Variants in IL6R observed in about 807,000 individuals in gnomAD.
The protein encoded by IL6R is interleukin-6 receptor subunit alpha.
In IL6R, 38 loss-of-function variants were observed where a neutral mutation model predicts 48.3. That is an observed-to-expected ratio of 0.79 (90% CI 0.61 to 1.03). IL6R has a LOEUF of 1.03. IL6R is among the 50% of genes least tolerant of loss of function. IL6R has a pLI of 0.00. For missense variants in IL6R, 534 were observed against 618.3 expected (o/e 0.86, Z 1.45); for synonymous variants, 264 against 256.2 (o/e 1.03, Z -0.29).
At chr1:154,416,313 T>TC (rs1688346891) in intron 1 of IL6R, among the ~76,000 whole-genome samples, 1 of 151,542 alleles carries the variant, frequency 6.6e-6, no homozygotes, top group African/African-American at 2.4e-5. Flanking sequence ...AAAAAATTTT[T>TC]TTTTTTTTTT....
At position 154,430,594 on chromosome 1, in the gene IL6R, TG is replaced by T. The variant is rs772002938; in HGVS notation, c.448del (p.Val150Ter). On this transcript the variant is annotated frameshift_variant, in exon 3 of 10. Coordinates refer to ENST00000368485, the MANE Select transcript of IL6R (RefSeq NM_000565.4). LOFTEE classifies it high-confidence loss of function. ...TCCCTGACGACAAAGGCTGTGCTCT[TG>T]GTGAGGAAGTTGTAAGTATCTTGGG... ...TPSLTTKAVLLVRKFQNSPAE... is the reference protein window; with the variant it reads ...TPSLTTKAVLXVRKFQNSPAE... The T allele has an allele frequency of 6.2e-7, 1 of 1,614,064 alleles. No homozygotes were observed. The highest frequency in any genetic ancestry group is 1.3e-5 in the African/African-American group (1 of 74,924).
At chr1:154,446,272 C>T (rs1416360569) in intron 6 of IL6R, among the ~76,000 whole-genome samples, 1 of 152,170 alleles carries the variant, frequency 6.6e-6, no homozygotes, top group African/African-American at 2.4e-5. Flanking sequence ...CTTTCCCTCT[C>T]CGGGCCTCTG....
chr1:154,410,455 G>T (rs550975994), intron 1 of IL6R, among the ~76,000 whole-genome samples: 45 of 152,190 alleles, frequency 3.0e-4, no homozygotes, highest in Non-Finnish European at 5.7e-4. Flanking sequence ...ATTTCGCCAT[G>T]TTGCAGGCTG....
Position 154,429,359 on chromosome 1 carries a change from G to A in IL6R, c.249G>A (p.Leu83=). Residue 83 remains leucine, a synonymous_variant, in exon 2 of 10, where the codon CTG becomes CTA. Coordinates refer to ENST00000368485, the MANE Select transcript of IL6R (RefSeq NM_000565.4). ...CTGGCATGGGAAGGAGGCTGCTGCT[G>A]AGGTCGGTGCAGCTCCACGACTCTG... ...RWAGMGRRLL[L]RSVQLHDSGN... is the part of the protein sequence containing the mutation. The A allele has an allele frequency of 1.2e-6, 2 of 1,614,138 alleles. No individual in the cohort carries two copies. The highest frequency in any genetic ancestry group is 1.7e-6 in the Non-Finnish European group (2 of 1,180,024).
chr1:154,446,610 G>A (rs1413474324), intron 6 of IL6R, among the ~76,000 whole-genome samples: 1 of 152,208 alleles, frequency 6.6e-6, no homozygotes, highest in African/African-American at 2.4e-5. Context: ...TGGATACTTA[G>A]CCTCCTCTTG....
At chr1:154,411,456 T>A (rs908632392) in intron 1 of IL6R, among the ~76,000 whole-genome samples, 10 of 151,766 alleles carry the variant, frequency 6.6e-5, no homozygotes, top group Non-Finnish European at 1.3e-4. Flanking sequence ...AATGTGGGAG[T>A]CGTGTGCTGG....
Position 154,430,555 on chromosome 1 carries a change from C to G in IL6R, c.407C>G (p.Pro136Arg), listed in dbSNP as rs763443996. 3.1e-6 allele frequency: 5 copies of G among 1,614,018 alleles called. No individual in the cohort carries two copies. Among genetic ancestry groups the G allele is most frequent in the Non-Finnish European group, 4.2e-6 (5 of 1,180,022 alleles). ...PLSNVVCEWG[P>R]RSTPSLTTKA... is the part of the protein sequence containing the mutation. ...AGCAATGTTGTTTGTGAGTGGGGTC[C>G]TCGGAGCACCCCATCCCTGACGACA... The change falls in exon 3 of 10, where the codon CCT (proline) becomes CGT (arginine). Residue 136 changes from proline (P) to arginine (R), a missense_variant. Pro to Arg is a moderately radical substitution (Grantham distance 103, BLOSUM62 -2). Transcript: ENST00000368485.
rs1403396636 is a variant in IL6R, at chr1:154,468,738, G to A, written c.*3358G>A. 3 of 152,302 alleles carry A rather than the reference G, an allele frequency of 2.0e-5. No individual in the cohort carries two copies. Among genetic ancestry groups the A allele is most frequent in the Non-Finnish European group, 2.9e-5 (2 of 68,098 alleles). The allele number at this position is 152,302 out of a possible 1,614,324, so 9.4% of individuals were successfully genotyped here. A position where few individuals can be genotyped will look rare whatever the true frequency, so the allele number is the denominator to read the frequency against. ...GGGCCCAGTGGGGCAGGCTGGGCATGTTGTGGTCTATGGGTTTGTTTCCTG... is the reference window on the plus strand; with the variant it reads ...GGGCCCAGTGGGGCAGGCTGGGCATATTGTGGTCTATGGGTTTGTTTCCTG... On this transcript the variant is annotated 3_prime_UTR_variant, in exon 10 of 10. Coordinates refer to ENST00000368485, the MANE Select transcript of IL6R (RefSeq NM_000565.4).
intron 1 of IL6R, 126 bp from the exon 2 acceptor site, chr1:154,429,070 C>A: frequency 9.4e-7 from 1 of 1,068,730 alleles, no homozygotes; most frequent in Non-Finnish European, 1.4e-6. Flanking sequence ...CTAATCCAGG[C>A]AGAGGTGACG....
At chr1:154,464,458 T>G (rs767543058) in intron 9 of IL6R, among the ~76,000 whole-genome samples, 5 of 152,116 alleles carry the variant, frequency 3.3e-5, no homozygotes, top group African/African-American at 4.8e-5. Context: ...CCCAGCCTAT[T>G]TTTCTTTTTT....
Position 154,434,754 on chromosome 1 carries a change from C to A in IL6R, c.640+54C>A, listed in dbSNP as rs1558314175. On this transcript the variant is annotated intron_variant, in intron 4 of 9. Coordinates refer to ENST00000368485, the MANE Select transcript of IL6R (RefSeq NM_000565.4). ...AGTTTCCTTCTCTTTTGATTTAATACTCCTTATCGACTTCTCAGAGTGGCA... is the reference window on the plus strand; with the variant it reads ...AGTTTCCTTCTCTTTTGATTTAATAATCCTTATCGACTTCTCAGAGTGGCA... 142 of 1,529,292 alleles carry A rather than the reference C, an allele frequency of 9.3e-5. 3 individuals carry two copies. The South Asian group carries it at 1.7e-3, about 18-fold the overall frequency. The allele number at this position is 1,529,292 out of a possible 1,614,324, so 94.7% of individuals were successfully genotyped here.
At chr1:154,442,461 A>C (rs1689990125) in intron 6 of IL6R, among the ~76,000 whole-genome samples, 4 of 152,160 alleles carry the variant, frequency 2.6e-5, no homozygotes, top group Admixed American at 2.6e-4. Flanking sequence ...GGGTGGTCTG[A>C]GTGGGACAGG....
chr1:154,445,113 G>A (rs879568303), intron 6 of IL6R: 9 of 456,138 alleles, frequency 2.0e-5, no homozygotes, highest in African/African-American at 6.0e-5. Context: ...TTTCTCCTCA[G>A]GAGGCTCCTC....
At position 154,434,519 on chromosome 1, in the gene IL6R, T is replaced by C. The variant is rs1689494564; in HGVS notation, c.459T>C (p.Phe153=). Residue 153 remains phenylalanine (F), a splice_region_variant and synonymous_variant, in exon 4 of 10, where the codon TTT becomes TTC. Coordinates refer to ENST00000368485, the MANE Select transcript of IL6R (RefSeq NM_000565.4). ...TTKAVLLVRK[F]QNSPAEDFQE... ...CCTGCCCTTGTTTTGTGTCTAACAG[T>C]CAGAACAGTCCGGCCGAAGACTTCC... is the stretch of plus-strand genomic sequence containing the variant. 6.2e-7 allele frequency: 1 copy of C among 1,612,592 alleles called. No individual in the cohort carries two copies. Among genetic ancestry groups the C allele is most frequent in the African/African-American group, 1.3e-5 (1 of 74,932 alleles).
chr1:154,424,425 T>A (rs1276030976), intron 1 of IL6R, among the ~76,000 whole-genome samples: 2 of 152,210 alleles, frequency 1.3e-5, no homozygotes, highest in Admixed American at 1.3e-4. Context: ...CCTGCACTTG[T>A]GTCTGTTGCA....
At chr1:154,411,101 C>T (rs1460984278) in intron 1 of IL6R, among the ~76,000 whole-genome samples, 1 of 152,138 alleles carries the variant, frequency 6.6e-6, no homozygotes, top group Non-Finnish European at 1.5e-5. Context: ...CTCTGTCTCC[C>T]AGGCTGGAGT....
chr1:154,417,266 G>A (rs1037603306), intron 1 of IL6R, among the ~76,000 whole-genome samples: 1 of 152,178 alleles, frequency 6.6e-6, no homozygotes, highest in South Asian at 2.1e-4. Flanking sequence ...CCCAGCTCCG[G>A]TCCTGACACC....
At chr1:154,421,266 T>A (rs1448032926) in intron 1 of IL6R, among the ~76,000 whole-genome samples, 1 of 151,988 alleles carries the variant, frequency 6.6e-6, no homozygotes, top group African/African-American at 2.4e-5. Flanking sequence ...GTCCTGGAGG[T>A]TGGTGGGGCA....
chr1:154,454,497 C>G lies in IL6R; in HGVS notation c.1076C>G (p.Ser359Cys). 6.2e-7 allele frequency: 1 copy of G among 1,610,686 alleles called. No homozygotes were observed. Among genetic ancestry groups the G allele is most frequent in the Non-Finnish European group, 8.5e-7 (1 of 1,177,154 alleles). The change falls in exon 9 of 10, where the codon TCT (serine) becomes TGT (cysteine). Residue 359 changes from serine (S) to cysteine (C), a missense_variant. Transcript: ENST00000368485. Reference protein sequence around the residue: ...ANATSLPVQDSSSVPLPTFLV... With the variant: ...ANATSLPVQDCSSVPLPTFLV... ...TTTTTTTTTAACCTAGTGCAAGATT[C>G]TTCTTCAGTACCACTGCCCACATTC...
Sources: allele counts gnomAD v4.1 joint callset (sites outside exome capture counted in the v4.1 genomes callset), GRCh38; gene constraint gnomAD v4.1.1; transcripts MANE v1.5; gene names NCBI Gene and HGNC (gene_info 2026-07-23, HGNC 2026-07-21).